The following MAPK8 variants were observed in gnomAD, a reference collection of about 807,000 sequenced individuals.
MAPK8 encodes JUN N-terminal kinase.
Under a neutral mutation model 52.9 loss-of-function variants are expected in MAPK8, and 13 were observed. The ratio of observed to expected loss-of-function variants is 0.25; its 90% CI spans 0.16 to 0.39. The LOEUF (loss-of-function observed/expected upper bound fraction) is 0.39, where lower values mean the gene tolerates loss of function less well. Among genes scored for constraint, MAPK8 ranks in the 10% least tolerant of loss-of-function variants. The pLI, the probability that MAPK8 is intolerant of heterozygous loss-of-function variation, is 1.00. For synonymous variants in MAPK8, 191 were observed against 169.8 expected (o/e 1.12, Z -0.97); for missense variants, 300 against 519.2 (o/e 0.58, Z 4.10).
chr10:48,344,757 C>G (rs1393798360), intron 1 of MAPK8, among the ~76,000 whole-genome samples: 2 of 151,990 alleles, frequency 1.3e-5, no homozygotes, highest in African/African-American at 4.8e-5. Context: ...CTTGGGGAGA[C>G]AGTGTGTTTG....
intron 1 of MAPK8, among the ~76,000 whole-genome samples, chr10:48,370,431 T>C (rs1848437014): frequency 6.6e-6 from 1 of 152,164 alleles, no homozygotes; most frequent in South Asian, 2.1e-4. Context: ...GTTGTGCTAC[T>C]TCAGGTTGGT....
rs763956532 is a variant in MAPK8 at position 48,435,334 on chromosome 10, T to G, written c.*305T>G. The G allele has an allele frequency of 4.0e-6, 1 of 247,714 alleles. No individual in the cohort carries two copies. Among genetic ancestry groups the G allele is most frequent in the Non-Finnish European group, 7.6e-6 (1 of 131,342 alleles). 15.3% of individuals were successfully genotyped at this position (247,714 alleles called of 1,614,324 possible). A position where few individuals can be genotyped will look rare whatever the true frequency, so the allele number is the denominator to read the frequency against. On this transcript the variant is annotated 3_prime_UTR_variant, in exon 12 of 12. Transcript: ENST00000374189. Reference sequence around the variant, plus strand: ...TTTGCTTTATCTTATGCTGCTGATTTTTTTAACTGAATTTGTAAGATTTTG... The same window carrying G: ...TTTGCTTTATCTTATGCTGCTGATTGTTTTAACTGAATTTGTAAGATTTTG...
chr10:48,372,570 T>G (rs191875745), intron 1 of MAPK8, among the ~76,000 whole-genome samples: 1 of 151,840 alleles, frequency 6.6e-6, no homozygotes, highest in African/African-American at 2.4e-5. Context: ...GAGAACTTTG[T>G]GAAGCATACA....
In MAPK8 at chr10:48,435,228, A is replaced by C. The variant is rs1358424075; in HGVS notation, c.*199A>C. The stretch of plus-strand genomic sequence containing the variant: ...AAGTTGTGTTTCAAAACAGCAACAA[A>C]ACTGTATTGTATTTTTTTTGCTGTA... On this transcript the variant is annotated 3_prime_UTR_variant, in exon 12 of 12. Coordinates refer to ENST00000374189, the MANE Select transcript of MAPK8 (RefSeq NM_001323329.2). The C allele has an allele frequency of 4.8e-5, 22 of 453,608 alleles. No individual in the cohort carries two copies. The highest frequency in any genetic ancestry group is 7.7e-5 in the Non-Finnish European group (20 of 259,512). 28.1% of individuals were successfully genotyped at this position (453,608 alleles called of 1,614,324 possible).
chr10:48,376,565 C>T (rs750249157), intron 1 of MAPK8, among the ~76,000 whole-genome samples: 8 of 152,172 alleles, frequency 5.3e-5, no homozygotes, highest in Middle Eastern at 3.4e-3. Context: ...AAAAAGCAGG[C>T]GAAGCATATG....
intron 1 of MAPK8, among the ~76,000 whole-genome samples, chr10:48,317,275 G>A (rs1842591220): frequency 6.6e-6 from 1 of 152,208 alleles, no homozygotes; most frequent in Admixed American, 6.5e-5. Flanking sequence ...CTGGGTTCAA[G>A]TGAATCTTCC....
At chr10:48,425,096 T>G in intron 7 of MAPK8, 1 of 692,422 alleles carries the variant, frequency 1.4e-6, no homozygotes, top group Non-Finnish European at 2.7e-6. Flanking sequence ...TCATACTTTT[T>G]GTTCATCCCA....
chr10:48,375,126 C>G (rs889035604), intron 1 of MAPK8, among the ~76,000 whole-genome samples: 7 of 152,238 alleles, frequency 4.6e-5, no homozygotes, highest in Admixed American at 3.3e-4. Flanking sequence ...TAAACAGAAC[C>G]AATGACAAAA....
intron 10 of MAPK8, among the ~76,000 whole-genome samples, chr10:48,428,542 C>A (rs1421316977): frequency 6.6e-6 from 1 of 152,146 alleles, no homozygotes; most frequent in African/African-American, 2.4e-5. Flanking sequence ...GAATTTGATT[C>A]TTTCTTAGAA....
At chr10:48,365,194 T>C (rs1417274520) in intron 1 of MAPK8, among the ~76,000 whole-genome samples, 3 of 152,184 alleles carry the variant, frequency 2.0e-5, no homozygotes, top group East Asian at 1.9e-4. Context: ...ACAGGAAATA[T>C]GGCTGTTTGC....
intron 1 of MAPK8, among the ~76,000 whole-genome samples, chr10:48,369,631 T>C (rs1848371246): frequency 6.6e-6 from 1 of 151,072 alleles, no homozygotes; most frequent in Non-Finnish European, 1.5e-5. Flanking sequence ...CATGGGAGAG[T>C]GTAACAAGAC....
chr10:48,421,669 G>A (rs569793250), intron 6 of MAPK8, among the ~76,000 whole-genome samples: 6 of 152,240 alleles, frequency 3.9e-5, no homozygotes, highest in African/African-American at 1.2e-4. Flanking sequence ...GTCAGGTGTG[G>A]TGGTGCACAC....
intron 3 of MAPK8, among the ~76,000 whole-genome samples, chr10:48,409,534 A>T (rs1346064726): frequency 6.6e-6 from 1 of 152,214 alleles, no homozygotes; most frequent in Non-Finnish European, 1.5e-5. Flanking sequence ...GGCTGAGATT[A>T]TATAGAGATA....
At chr10:48,365,083 A>G (rs1847906985) in intron 1 of MAPK8, among the ~76,000 whole-genome samples, 1 of 152,166 alleles carries the variant, frequency 6.6e-6, no homozygotes, top group Non-Finnish European at 1.5e-5. Flanking sequence ...ACAATATTAT[A>G]ACTAGATTAC....
At chr10:48,406,499 A>G (rs1161809253) in intron 3 of MAPK8, among the ~76,000 whole-genome samples, 1 of 152,216 alleles carries the variant, frequency 6.6e-6, no homozygotes, top group African/African-American at 2.4e-5. Flanking sequence ...TTAGGCCTCT[A>G]GCAGGGGTGG....
At chr10:48,376,312 C>G (rs2040658764) in intron 1 of MAPK8, among the ~76,000 whole-genome samples, 2 of 152,178 alleles carry the variant, frequency 1.3e-5, no homozygotes, top group Admixed American at 1.3e-4. Flanking sequence ...CAGTACCATT[C>G]AGGACATAGG....
In MAPK8 at chr10:48,435,050, T is replaced by TGGGGGGGG; in HGVS notation, c.*24_*25insGGGGGGGG. The TGGGGGGGG allele has an allele frequency of 6.8e-6, 2 of 293,700 alleles. No homozygotes were observed. The highest frequency in any genetic ancestry group is 4.3e-5 in the Admixed American group (1 of 23,094). 18.2% of individuals were successfully genotyped at this position (293,700 alleles called of 1,614,324 possible). On this transcript the variant is annotated 3_prime_UTR_variant, in exon 12 of 12. Coordinates refer to ENST00000374189, the MANE Select transcript of MAPK8 (RefSeq NM_001323329.2). ...GATGACTACTTGGGCCATCGGGGGG[T>TGGGGGGGG]GGGAGGGATGGGGAGTCGGTTAGTC...
chr10:48,310,249 T>G (rs1213442307), intron 1 of MAPK8, among the ~76,000 whole-genome samples: 1 of 152,186 alleles, frequency 6.6e-6, no homozygotes, highest in East Asian at 1.9e-4. Context: ...AGAACTTTTT[T>G]TTATAGAAGG....
chr10:48,373,844 C>A (rs1179382890), intron 1 of MAPK8, among the ~76,000 whole-genome samples: 1 of 152,032 alleles, frequency 6.6e-6, no homozygotes, highest in African/African-American at 2.4e-5. Flanking sequence ...ATCAACGAGA[C>A]AGAAAATTAA....
Sources: gnomAD v4.1 joint callset for allele counts (sites outside exome capture counted in the v4.1 genomes callset) on GRCh38, gnomAD v4.1.1 for gene constraint, MANE v1.5 for transcripts, NCBI Gene and HGNC (gene_info 2026-07-23, HGNC 2026-07-21) for gene names.